The following RYR2 variants were observed in gnomAD, a reference collection of about 807,000 sequenced individuals.
RYR2 encodes the protein cardiac muscle ryanodine receptor-calcium release channel.
RYR2 carries 227 observed loss-of-function variants against 601.1 expected under a neutral mutation model. The observed-to-expected ratio is 0.38, with a 90% CI of 0.34 to 0.42. The LOEUF (loss-of-function observed/expected upper bound fraction) is 0.42, where lower values mean the gene tolerates loss of function less well. RYR2 is among the 10% of genes least tolerant of loss of function. The probability of loss-of-function intolerance (pLI) is 1.00; values close to 1 mark genes in which losing one functional copy is unlikely to be tolerated. For synonymous variants in RYR2, 2,223 were observed against 2,175.1 expected (o/e 1.02, Z -0.61); for missense variants, 4,646 against 6,156.5 (o/e 0.75, Z 8.21).
chr1:237,807,431 A>T (rs1016001639), intron 99 of RYR2, among the ~76,000 whole-genome samples: 2 of 151,984 alleles, frequency 1.3e-5, no homozygotes, highest in African/African-American at 2.4e-5. Flanking sequence ...GCTCACTGCA[A>T]CCTCCGCCTC....
At chr1:237,423,057 G>T in intron 11 of RYR2, 35 bp from the exon 12 acceptor site, 1 of 1,592,640 alleles carries the variant, frequency 6.3e-7, no homozygotes. Context: ...GTGATTGTGG[G>T]TGCTATTGGA....
At chr1:237,198,493 G>A (rs960036208) in intron 1 of RYR2, among the ~76,000 whole-genome samples, 1 of 135,270 alleles carries the variant, frequency 7.4e-6, no homozygotes, top group Non-Finnish European at 1.6e-5. Context: ...ATTCCTTATC[G>A]TATGCTAGTT....
rs1430246587 is a variant in RYR2, at chr1:237,787,870, T to G, written c.13329-118T>G. 4 of 931,766 alleles carry G rather than the reference T, an allele frequency of 4.3e-6. No homozygotes were observed. In the African/African-American group the frequency reaches 6.7e-5, roughly 16 times the overall value. 57.7% of individuals were successfully genotyped at this position (931,766 alleles called of 1,614,324 possible). On this transcript the variant is annotated intron_variant, in intron 91 of 104. Transcript: ENST00000366574. ...TATTATCATTCACCGGAAAAGAAATTAGTTTTCAAAAGTAATATGATGGCC... is the reference window on the plus strand; with the variant it reads ...TATTATCATTCACCGGAAAAGAAATGAGTTTTCAAAAGTAATATGATGGCC...
At chr1:237,790,869 C>T (rs1241863068) in intron 92 of RYR2, among the ~76,000 whole-genome samples, 3 of 152,042 alleles carry the variant, frequency 2.0e-5, no homozygotes, top group Admixed American at 6.5e-5. Flanking sequence ...CAGAAGCCTA[C>T]AAAACCCTGC....
intron 16 of RYR2, among the ~76,000 whole-genome samples, chr1:237,465,674 C>T (rs1660003319): frequency 6.6e-6 from 1 of 152,170 alleles, no homozygotes; most frequent in African/African-American, 2.4e-5. Context: ...GGATGGCCTA[C>T]TGCGCGGCTA....
At chr1:237,740,823 T>C (rs777021364) in intron 79 of RYR2, among the ~76,000 whole-genome samples, 1 of 152,164 alleles carries the variant, frequency 6.6e-6, no homozygotes, top group African/African-American at 2.4e-5. Flanking sequence ...ATGGGAGATA[T>C]TAGAATAGGT....
chr1:237,093,877 C>G (rs1252770985), intron 1 of RYR2, among the ~76,000 whole-genome samples: 1 of 152,224 alleles, frequency 6.6e-6, no homozygotes, highest in Non-Finnish European at 1.5e-5. Flanking sequence ...CCACCTTGAA[C>G]AGCTGACTGA....
At chr1:237,097,689 A>T (rs371737706) in intron 1 of RYR2, among the ~76,000 whole-genome samples, 1 of 152,224 alleles carries the variant, frequency 6.6e-6, no homozygotes, top group Admixed American at 6.5e-5. Context: ...TATGGGCTTA[A>T]GTAAAATACT....
intron 8 of RYR2, among the ~76,000 whole-genome samples, chr1:237,387,045 TATTTTG>T (rs1215681133): frequency 6.6e-6 from 1 of 152,238 alleles, no homozygotes; most frequent in Non-Finnish European, 1.5e-5. Context: ...CATTTATGCA[TATTTTG>T]ATTATTGACT....
chr1:237,547,051 G>T (rs1669902945), intron 25 of RYR2, among the ~76,000 whole-genome samples: 1 of 146,414 alleles, frequency 6.8e-6, no homozygotes. Flanking sequence ...TGTCACCCAG[G>T]CTGGAGAGCA....
chr1:237,163,055 A>C (rs1441616936), intron 1 of RYR2, among the ~76,000 whole-genome samples: 1 of 152,156 alleles, frequency 6.6e-6, no homozygotes, highest in African/African-American at 2.4e-5. Context: ...CTAGAGACGG[A>C]GAGGTTGAAC....
intron 16 of RYR2, among the ~76,000 whole-genome samples, chr1:237,466,638 AT>A (rs1297760402): frequency 2.0e-5 from 3 of 151,326 alleles, no homozygotes; most frequent in Non-Finnish European, 4.4e-5. Flanking sequence ...ATTGCGATTT[AT>A]TTTTTTCTGT....
intron 14 of RYR2, among the ~76,000 whole-genome samples, chr1:237,446,257 G>A (rs1021216682): frequency 2.6e-5 from 4 of 152,132 alleles, no homozygotes; most frequent in Admixed American, 2.0e-4. Flanking sequence ...TGACCAACAT[G>A]TTTTCTGGTA....
chr1:237,462,889 A>G (rs1659641295), intron 16 of RYR2, among the ~76,000 whole-genome samples: 1 of 152,134 alleles, frequency 6.6e-6, no homozygotes, highest in African/African-American at 2.4e-5. Context: ...TAAACAAGAC[A>G]CATCCTTTAA....
chr1:237,203,845 T>A lies in RYR2; in HGVS notation c.49-66652T>A, dbSNP rs149388374. Reference sequence around the variant, plus strand: ...TCCTAGAACGTTTCCTCTTGCCCTATTCCGTGCAGTCTCCACCTCCATGGA... The same window carrying A: ...TCCTAGAACGTTTCCTCTTGCCCTAATCCGTGCAGTCTCCACCTCCATGGA... On this transcript the variant is annotated intron_variant, in intron 1 of 104. Transcript: ENST00000366574. Among the ~76,000 whole-genome samples the A allele has an allele frequency of 9.8e-5, 15 of 152,324 alleles. No homozygotes were observed. In the East Asian group the frequency reaches 2.3e-3, roughly 23 times the overall value.
chr1:237,514,097 G>A (rs899094672), intron 24 of RYR2, among the ~76,000 whole-genome samples: 1 of 152,154 alleles, frequency 6.6e-6, no homozygotes, highest in Non-Finnish European at 1.5e-5. Flanking sequence ...CTTCCTTTGC[G>A]CTCTTGACAT....
intron 1 of RYR2, among the ~76,000 whole-genome samples, chr1:237,165,070 G>C (rs932549847): frequency 1.3e-5 from 2 of 151,362 alleles, no homozygotes; most frequent in Non-Finnish European, 2.9e-5. Flanking sequence ...AACTCCTCCT[G>C]CTTCAGCCTC....
chr1:237,600,120 C>G (rs1222044470), intron 34 of RYR2, among the ~76,000 whole-genome samples: 1 of 151,804 alleles, frequency 6.6e-6, no homozygotes, highest in Non-Finnish European at 1.5e-5. Flanking sequence ...CCCAAGCAGC[C>G]AAAGCAATCT....
At chr1:237,246,059 C>T (rs546299632) in intron 1 of RYR2, among the ~76,000 whole-genome samples, 164 of 151,704 alleles carry the variant, frequency 1.1e-3, no homozygotes, top group Middle Eastern at 3.5e-3. Context: ...GGATTACAGG[C>T]GTGAGCCACC....
Sources: allele counts gnomAD v4.1 joint callset (sites outside exome capture counted in the v4.1 genomes callset), GRCh38; gene constraint gnomAD v4.1.1; transcripts MANE v1.5; gene names NCBI Gene and HGNC (gene_info 2026-07-23, HGNC 2026-07-21).